The following TMEM164 variants were observed in gnomAD, a reference collection of about 807,000 sequenced individuals.
The protein encoded by TMEM164 is RP13-360B22.2.
A neutral mutation model predicts 18.8 loss-of-function variants in TMEM164; 4 were observed. That is an observed-to-expected ratio of 0.21 (90% CI 0.10 to 0.49). The LOEUF is 0.49. TMEM164 is among the 20% of genes least tolerant of loss of function. The pLI, the probability that TMEM164 is intolerant of heterozygous loss-of-function variation, is 0.98. For synonymous variants in TMEM164, 86 were observed against 101.7 expected (o/e 0.85, Z 0.93); for missense variants, 108 against 239.9 (o/e 0.45, Z 3.63).
intron 3 of TMEM164, among the ~76,000 whole-genome samples, chrX:110,086,384 T>C (rs2065851582): frequency 9.0e-6 from 1 of 111,313 alleles, no homozygotes; most frequent in Non-Finnish European, 1.9e-5. Context: ...ATTTAACTGT[T>C]GTTGGAGCAT....
At chrX:110,108,031 T>C (rs2066232986) in intron 3 of TMEM164, among the ~76,000 whole-genome samples, 1 of 106,867 alleles carries the variant, frequency 9.4e-6, no homozygotes, top group South Asian at 4.3e-4. Flanking sequence ...GTCTTCAACA[T>C]GTGGACTGTT....
intron 4 of TMEM164, among the ~76,000 whole-genome samples, chrX:110,128,566 A>G (rs1489984305): frequency 9.0e-6 from 1 of 111,705 alleles, no homozygotes; most frequent in Non-Finnish European, 1.9e-5. Context: ...GTGTGTGGGT[A>G]TATATCATTC....
chrX:110,073,874 TTTG>T (rs764090789), intron 3 of TMEM164, among the ~76,000 whole-genome samples: 3 of 110,669 alleles, frequency 2.7e-5, no homozygotes, highest in Admixed American at 9.7e-5. Context: ...GATATGTCAT[TTTG>T]TTGTTGTTGT....
intron 4 of TMEM164, among the ~76,000 whole-genome samples, chrX:110,127,072 C>T: frequency 1.8e-5 from 2 of 111,140 alleles, no homozygotes; most frequent in South Asian, 7.7e-4. Flanking sequence ...CCAAAGGTGC[C>T]TTCTGTTTCC....
At chrX:110,101,323 G>A (rs1389205267) in intron 3 of TMEM164, among the ~76,000 whole-genome samples, 2 of 111,400 alleles carry the variant, frequency 1.8e-5, no homozygotes, top group Non-Finnish European at 3.8e-5. Flanking sequence ...TATTATTCAG[G>A]TTGTCTTTTT....
intron 2 of TMEM164, among the ~76,000 whole-genome samples, chrX:110,030,004 A>T (rs1182849921): frequency 3.6e-5 from 4 of 110,464 alleles, no homozygotes; most frequent in Non-Finnish European, 7.6e-5. Context: ...TAAATTAAGA[A>T]ATTAGAAATA....
intron 2 of TMEM164, among the ~76,000 whole-genome samples, chrX:110,029,252 C>T (rs1355850623): frequency 8.9e-6 from 1 of 112,054 alleles, no homozygotes; most frequent in Non-Finnish European, 1.9e-5. Flanking sequence ...CTCTTAAAAG[C>T]TGCATTCCTT....
chrX:110,086,947 C>G lies in TMEM164; in HGVS notation c.440+19551C>G, dbSNP rs752792910. On this transcript the variant is annotated intron_variant, in intron 3 of 6. Transcript: ENST00000372068. The stretch of plus-strand genomic sequence containing the variant: ...TAGTGATGTCATCTTATGATCTTTA[C>G]AGATGGAGATACACAAGAGTTCACA... 3.2e-4 allele frequency among the ~76,000 whole-genome samples: 36 copies of G among 111,395 alleles called. 2 individuals are homozygous for G. The highest frequency in any genetic ancestry group is 5.1e-4 in the Non-Finnish European group (27 of 53,104).
chrX:110,129,493 C>T (rs770351222), intron 4 of TMEM164, among the ~76,000 whole-genome samples: 1 of 112,731 alleles, frequency 8.9e-6, no homozygotes, highest in Non-Finnish European at 1.9e-5. Context: ...CCGTATCCCA[C>T]TTATGTCTCT....
chrX:110,150,266 G>T (rs188423621), intron 5 of TMEM164, among the ~76,000 whole-genome samples: 1 of 111,742 alleles, frequency 8.9e-6, no homozygotes, highest in Admixed American at 9.5e-5. Context: ...GTGACTTCTT[G>T]TAGATGGGCA....
chrX:110,087,818 T>A (rs1177686898), intron 3 of TMEM164, among the ~76,000 whole-genome samples: 1 of 111,598 alleles, frequency 9.0e-6, no homozygotes, highest in Non-Finnish European at 1.9e-5. Context: ...GCAAATAGGA[T>A]TATTTGGTCA....
At chrX:110,169,146 G>T (rs979624701) in intron 5 of TMEM164, among the ~76,000 whole-genome samples, 3 of 111,859 alleles carry the variant, frequency 2.7e-5, no homozygotes, top group African/African-American at 9.8e-5. Context: ...ACAGGCAGCC[G>T]CCAAAGACCC....
intron 5 of TMEM164, among the ~76,000 whole-genome samples, chrX:110,147,280 G>C (rs760735972): frequency 8.9e-6 from 1 of 111,933 alleles, no homozygotes; most frequent in Admixed American, 9.4e-5. Context: ...CTGTGTTACA[G>C]TATTTTTAAA....
intron 3 of TMEM164, among the ~76,000 whole-genome samples, chrX:110,084,431 GTA>G (rs1360980753): frequency 3.0e-4 from 21 of 69,755 alleles, no homozygotes; most frequent in African/African-American, 9.5e-4. Flanking sequence ...ATATAGTATA[GTA>G]TATATATATA....
chrX:110,134,164 C>T (rs2066651604), intron 4 of TMEM164, among the ~76,000 whole-genome samples: 2 of 111,413 alleles, frequency 1.8e-5, no homozygotes, highest in Admixed American at 1.9e-4. Context: ...GGGGAAGGCA[C>T]CTGATGACCA....
chrX:110,002,394 CGGAGGAGGGA>C (rs1381868393), upstream of TMEM164, among the ~76,000 whole-genome samples: 7 of 107,732 alleles, frequency 6.5e-5, no homozygotes, highest in Admixed American at 3.9e-4. Flanking sequence ...GAGCCTGAGC[CGGAGGAGGGA>C]GGAGGAGGGA....
chrX:110,094,923 C>T (rs752046215), intron 3 of TMEM164, among the ~76,000 whole-genome samples: 4 of 111,445 alleles, frequency 3.6e-5, no homozygotes, highest in South Asian at 7.6e-4. Flanking sequence ...GATTTTATTT[C>T]TCCTTCACTT....
At chrX:110,156,751 G>A (rs772083097) in intron 5 of TMEM164, among the ~76,000 whole-genome samples, 18 of 111,553 alleles carry the variant, frequency 1.6e-4, no homozygotes, top group African/African-American at 5.2e-4. Context: ...TTCTCACTGT[G>A]TTCTCACACG....
intron 3 of TMEM164, among the ~76,000 whole-genome samples, chrX:110,069,439 T>C (rs762407295): frequency 9.0e-6 from 1 of 111,674 alleles, no homozygotes; most frequent in Non-Finnish European, 1.9e-5. Context: ...TGTCTATTCA[T>C]ATTATCTGCA....
Sources: gnomAD v4.1 joint callset for allele counts (sites outside exome capture counted in the v4.1 genomes callset) on GRCh38, gnomAD v4.1.1 for gene constraint, MANE v1.5 for transcripts, NCBI Gene and HGNC (gene_info 2026-07-23, HGNC 2026-07-21) for gene names.